TCF7L2: variants seen among roughly 807,000 people sequenced by gnomAD.
TCF7L2 encodes transcription factor 7-like 2.
A neutral mutation model predicts 77.9 loss-of-function variants in TCF7L2; 23 were observed. That is an observed-to-expected ratio of 0.30 (90% CI 0.21 to 0.42). The LOEUF (loss-of-function observed/expected upper bound fraction) is 0.42. Among genes scored for constraint, TCF7L2 ranks in the 10% least tolerant of loss-of-function variants. TCF7L2 has a pLI of 1.00. For synonymous variants in TCF7L2, 413 were observed against 340.2 expected (o/e 1.21, Z -2.36); for missense variants, 654 against 793.1 (o/e 0.82, Z 2.11).
At chr10:113,076,277 A>G (rs114011726) in intron 5 of TCF7L2, among the ~76,000 whole-genome samples, 3,572 of 152,176 alleles carry the variant, frequency 0.023, 147 homozygotes, top group African/African-American at 0.08. Context: ...AGCTGGGACT[A>G]TAGGTGTGAA....
intron 4 of TCF7L2, among the ~76,000 whole-genome samples, chr10:113,034,557 A>G (rs1405117198): frequency 6.6e-6 from 1 of 152,216 alleles, no homozygotes; most frequent in Admixed American, 6.5e-5. Flanking sequence ...CCAGAGGATT[A>G]GGAAAATTTA....
intron 11 of TCF7L2, among the ~76,000 whole-genome samples, chr10:113,157,105 T>G (rs1023321969): frequency 3.2e-4 from 48 of 151,626 alleles, no homozygotes; most frequent in African/African-American, 1.1e-3. Context: ...CTCAGCAGGT[T>G]TTTTTTGTTT....
intron 4 of TCF7L2, among the ~76,000 whole-genome samples, chr10:113,019,235 C>G (rs2047878368): frequency 6.6e-6 from 1 of 152,178 alleles, no homozygotes; most frequent in Non-Finnish European, 1.5e-5. Context: ...GTCTCTTAAC[C>G]CCGGCGTGGT....
chr10:113,029,650 G>A (rs1015972649), intron 4 of TCF7L2, among the ~76,000 whole-genome samples: 1 of 150,660 alleles, frequency 6.6e-6, no homozygotes, highest in Non-Finnish European at 1.5e-5. Flanking sequence ...TCTCAGCCTC[G>A]CAAGTAGCTA....
chr10:113,053,836 C>A (rs1433744962), intron 5 of TCF7L2, among the ~76,000 whole-genome samples: 1 of 152,136 alleles, frequency 6.6e-6, no homozygotes, highest in Admixed American at 6.5e-5. Flanking sequence ...GTTATTATCC[C>A]GATTTGGCAG....
chr10:112,978,756 G>A (rs1241147645), intron 4 of TCF7L2, among the ~76,000 whole-genome samples: 1 of 151,314 alleles, frequency 6.6e-6, no homozygotes, highest in East Asian at 1.9e-4. Context: ...TGGGATTATA[G>A]GTGTGAGCCA....
chr10:113,146,183 AC>A (rs1267010050), intron 8 of TCF7L2, 86 bp downstream of exon 8: 2 of 1,199,910 alleles, frequency 1.7e-6, no homozygotes, highest in African/African-American at 1.5e-5. Flanking sequence ...CCACCCAGGG[AC>A]CACAGCTACA....
intron 5 of TCF7L2, among the ~76,000 whole-genome samples, chr10:113,101,877 G>T (rs1305675054): frequency 7.0e-6 from 1 of 141,980 alleles, no homozygotes; most frequent in Non-Finnish European, 1.5e-5. Context: ...GGTGGCTCAT[G>T]CCTATAATCC....
intron 4 of TCF7L2, among the ~76,000 whole-genome samples, chr10:113,007,914 GC>G (rs2045847577): frequency 6.6e-6 from 1 of 152,208 alleles, no homozygotes; most frequent in African/African-American, 2.4e-5. Context: ...TCCTGATTTA[GC>G]GAGGTGTTTC....
At chr10:113,090,613 T>C (rs1008837843) in intron 5 of TCF7L2, among the ~76,000 whole-genome samples, 1 of 152,162 alleles carries the variant, frequency 6.6e-6, no homozygotes, top group Non-Finnish European at 1.5e-5. Context: ...CTATTGATAA[T>C]CTCTCTCTCT....
At chr10:113,143,762 T>C (rs891162121) in intron 6 of TCF7L2, among the ~76,000 whole-genome samples, 161 bp from the exon 7 acceptor site, 1 of 152,216 alleles carries the variant, frequency 6.6e-6, no homozygotes, top group South Asian at 2.1e-4. Flanking sequence ...GAAAATGAGA[T>C]GAAACCTACC....
chr10:113,165,251 C>T (rs1592543466), intron 13 of TCF7L2, among the ~76,000 whole-genome samples: 2 of 152,298 alleles, frequency 1.3e-5, no homozygotes, highest in East Asian at 3.9e-4. Context: ...GTGGCCGCCT[C>T]CATGCTGCTC....
intron 6 of TCF7L2, 84 bp downstream of exon 6, chr10:113,141,400 G>A: frequency 1.3e-6 from 2 of 1,585,514 alleles, no homozygotes; most frequent in Non-Finnish European, 1.7e-6. Context: ...GGAACCCCAG[G>A]GGTGGAGCAG....
chr10:113,160,596 TTG>T, intron 12 of TCF7L2: 6 of 1,575,002 alleles, frequency 3.8e-6, no homozygotes, highest in Non-Finnish European at 5.2e-6. Context: ...GTTGTATTTT[TTG>T]TGTTTACCTT....
intron 5 of TCF7L2, among the ~76,000 whole-genome samples, chr10:113,135,934 G>C (rs148325225): frequency 6.6e-5 from 10 of 152,072 alleles, no homozygotes; most frequent in Admixed American, 6.6e-4. Context: ...CCAATAGGAA[G>C]GTTGGCCCAG....
At chr10:113,107,622 A>G (rs917766191) in intron 5 of TCF7L2, among the ~76,000 whole-genome samples, 3 of 152,002 alleles carry the variant, frequency 2.0e-5, no homozygotes, top group African/African-American at 4.8e-5. Flanking sequence ...GAGTACCTGT[A>G]GTCCCAGCTA....
Position 113,024,933 on chromosome 10 carries a change from G to A in TCF7L2, c.451-15092G>A, listed in dbSNP as rs140219130. On this transcript the variant is annotated intron_variant, in intron 4 of 13. Coordinates refer to ENST00000627217, the MANE Select transcript of TCF7L2 (RefSeq NM_001146274.2). ...TGTGCATGGCCTTATATAAACCTTA[G>A]GTAATTTTATACAATATTTTAAATA... is the stretch of plus-strand genomic sequence containing the variant. 2.6e-5 allele frequency among the ~76,000 whole-genome samples: 4 copies of A among 152,048 alleles called. No homozygotes were observed. In the East Asian group the frequency reaches 7.7e-4, roughly 29 times the overall value.
chr10:112,954,945 T>C (rs965519721), intron 3 of TCF7L2, among the ~76,000 whole-genome samples: 20 of 152,198 alleles, frequency 1.3e-4, no homozygotes, highest in African/African-American at 4.8e-4. Flanking sequence ...GGCCTATTCA[T>C]TGGGATTTTA....
intron 5 of TCF7L2, among the ~76,000 whole-genome samples, chr10:113,044,656 C>T (rs1564820781): frequency 2.0e-5 from 3 of 152,088 alleles, no homozygotes; most frequent in South Asian, 2.1e-4. Context: ...CAGGCCTGGG[C>T]GGCTCCCTGA....
Sources: allele counts gnomAD v4.1 joint callset (sites outside exome capture counted in the v4.1 genomes callset), GRCh38; gene constraint gnomAD v4.1.1; transcripts MANE v1.5; gene names NCBI Gene and HGNC (gene_info 2026-07-23, HGNC 2026-07-21).